GRM7: variants seen among roughly 807,000 people sequenced by gnomAD.
GRM7 encodes glutamate metabotropic receptor 7.
Under a neutral mutation model 84.5 loss-of-function variants are expected in GRM7, and 35 were observed. That is an observed-to-expected ratio of 0.41 (90% CI 0.32 to 0.55). The LOEUF (loss-of-function observed/expected upper bound fraction) is 0.55. Ranked by LOEUF, GRM7 falls within the 20% of genes least tolerant of loss-of-function variation. The pLI is 0.19. For missense variants in GRM7, 1,003 were observed against 1,194.6 expected, an observed-to-expected ratio of 0.84 and a Z score of 2.36; for synonymous variants, 487 against 455.1, an observed-to-expected ratio of 1.07 and a Z score of -0.89.
chr3:7,572,684 T>C (rs1055219890), intron 7 of GRM7, among the ~76,000 whole-genome samples: 12 of 149,506 alleles, frequency 8.0e-5, no homozygotes, highest in African/African-American at 3.0e-4. Context: ...TAGCCAGGCA[T>C]GGGGGCGGGT....
intron 1 of GRM7, among the ~76,000 whole-genome samples, chr3:6,874,354 G>A (rs1381758592): frequency 6.6e-6 from 1 of 152,114 alleles, no homozygotes; most frequent in Non-Finnish European, 1.5e-5. Context: ...TATATGAAAA[G>A]CCTCAGGAGC....
intron 4 of GRM7, among the ~76,000 whole-genome samples, chr3:7,310,307 A>G (rs1426485324): frequency 1.3e-5 from 2 of 152,230 alleles, no homozygotes; most frequent in Admixed American, 1.3e-4. Flanking sequence ...TAAATCTGCA[A>G]TGTATGTAGG....
At chr3:6,919,339 T>A (rs13316534) in intron 1 of GRM7, among the ~76,000 whole-genome samples, 10 of 149,666 alleles carry the variant, frequency 6.7e-5, no homozygotes, top group South Asian at 2.1e-4. Context: ...GCTGCGATTA[T>A]AAGTGCCCAC....
At chr3:7,737,940 C>T (rs779632220) in intron 9 of GRM7, among the ~76,000 whole-genome samples, 30 of 151,312 alleles carry the variant, frequency 2.0e-4, no homozygotes, top group African/African-American at 6.3e-4. Flanking sequence ...CTCTGCCTCA[C>T]GGGTTCAAGT....
At chr3:7,205,555 T>C (rs1229937935) in intron 2 of GRM7, among the ~76,000 whole-genome samples, 1 of 152,226 alleles carries the variant, frequency 6.6e-6, no homozygotes, top group African/African-American at 2.4e-5. Flanking sequence ...TTCCTTTTGA[T>C]ATTGCTTTCC....
At chr3:7,298,289 G>GAGCTTTAC (rs1394758416) in intron 2 of GRM7, among the ~76,000 whole-genome samples, 2 of 152,116 alleles carry the variant, frequency 1.3e-5, no homozygotes, top group Non-Finnish European at 2.9e-5. Flanking sequence ...GAGATACACA[G>GAGCTTTAC]AGCTTTACCT....
chr3:6,919,539 C>G (rs147497583), intron 1 of GRM7, among the ~76,000 whole-genome samples: 5 of 150,602 alleles, frequency 3.3e-5, no homozygotes, highest in Middle Eastern at 3.4e-3. Context: ...TGCTTCAAAA[C>G]GTAGAAAAAC....
chr3:7,365,334 C>T (rs76601342), intron 4 of GRM7, among the ~76,000 whole-genome samples: 274 of 151,804 alleles, frequency 1.8e-3, no homozygotes, highest in Middle Eastern at 6.8e-3. Context: ...TTAACTCACA[C>T]TCTTCTCTCT....
chr3:7,451,566 C>T (rs1243397763), intron 5 of GRM7, among the ~76,000 whole-genome samples: 2 of 152,062 alleles, frequency 1.3e-5, no homozygotes, highest in Admixed American at 6.6e-5. Context: ...TAGGCAGGGT[C>T]CAGGTAATGA....
intron 7 of GRM7, among the ~76,000 whole-genome samples, chr3:7,530,204 G>A (rs1482997216): frequency 1.4e-5 from 2 of 146,610 alleles, no homozygotes; most frequent in Non-Finnish European, 3.0e-5. Context: ...TTGGTTTTCT[G>A]TTCCTGTGTT....
intron 1 of GRM7, among the ~76,000 whole-genome samples, chr3:7,003,715 C>G (rs894832039): frequency 6.6e-6 from 1 of 152,154 alleles, no homozygotes; most frequent in South Asian, 2.1e-4. Flanking sequence ...ATGTATTACT[C>G]TAATAGTGAT....
At chr3:6,910,602 T>C (rs182377844) in intron 1 of GRM7, among the ~76,000 whole-genome samples, 1 of 152,232 alleles carries the variant, frequency 6.6e-6, no homozygotes, top group Non-Finnish European at 1.5e-5. Flanking sequence ...TTAGTTGGGC[T>C]CAGTGTTCTC....
At chr3:7,046,449 T>G (rs761246855) in intron 1 of GRM7, among the ~76,000 whole-genome samples, 3 of 152,150 alleles carry the variant, frequency 2.0e-5, no homozygotes, top group Non-Finnish European at 4.4e-5. Flanking sequence ...GTTAGCACTT[T>G]GCTTGCAATT....
intron 4 of GRM7, among the ~76,000 whole-genome samples, chr3:7,398,080 T>A (rs959417168): frequency 6.6e-6 from 1 of 152,126 alleles, no homozygotes; most frequent in Non-Finnish European, 1.5e-5. Context: ...CTTCTAAAAG[T>A]TTTCATGGTT....
chr3:7,355,033 TAAG>T (rs1267992176), intron 4 of GRM7, among the ~76,000 whole-genome samples: 10 of 152,088 alleles, frequency 6.6e-5, no homozygotes, highest in African/African-American at 2.4e-4. Context: ...ACCTAGTGAG[TAAG>T]AAGTAGCAGC....
At chr3:6,964,409 C>T (rs947182582) in intron 1 of GRM7, among the ~76,000 whole-genome samples, 3 of 152,172 alleles carry the variant, frequency 2.0e-5, no homozygotes, top group African/African-American at 7.2e-5. Flanking sequence ...TAATCCCATT[C>T]ATGAGGATTA....
At chr3:7,089,835 T>C (rs1338492265) in intron 1 of GRM7, among the ~76,000 whole-genome samples, 1 of 152,126 alleles carries the variant, frequency 6.6e-6, no homozygotes, top group Non-Finnish European at 1.5e-5. Flanking sequence ...ATTAAATGAT[T>C]AAATTATTAT....
intron 1 of GRM7, among the ~76,000 whole-genome samples, chr3:6,918,450 T>C (rs529859431): frequency 6.6e-6 from 1 of 152,296 alleles, no homozygotes; most frequent in South Asian, 2.1e-4. Context: ...TGATGGCTGA[T>C]CCCATGTGCT....
chr3:7,704,062 G>A (rs1701311340), intron 9 of GRM7, among the ~76,000 whole-genome samples: 1 of 152,044 alleles, frequency 6.6e-6, no homozygotes, highest in South Asian at 2.1e-4. Flanking sequence ...CATTCAAACA[G>A]TGATTTTTCA....
Sources: allele counts gnomAD v4.1 joint callset (sites outside exome capture counted in the v4.1 genomes callset), GRCh38; gene constraint gnomAD v4.1.1; transcripts MANE v1.5; gene names NCBI Gene and HGNC (gene_info 2026-07-23, HGNC 2026-07-21).